MAD1L1: variants seen among roughly 807,000 people sequenced by gnomAD.
MAD1L1 encodes the protein mitotic arrest deficient 1 like 1.
In MAD1L1, 95 loss-of-function variants were observed where a neutral mutation model predicts 96.9. That is an observed-to-expected ratio of 0.98 (90% CI 0.83 to 1.16). MAD1L1 has a LOEUF of 1.16. MAD1L1 is among the 50% of genes most tolerant of loss of function. MAD1L1 has a pLI of 0.00. For missense variants in MAD1L1, 1,007 were observed against 954.4 expected (o/e 1.06, Z -0.73); for synonymous variants, 473 against 396.6 (o/e 1.19, Z -2.29).
intron 10 of MAD1L1, among the ~76,000 whole-genome samples, chr7:2,211,429 T>C (rs1294448257): frequency 1.3e-5 from 2 of 152,208 alleles, no homozygotes; most frequent in Admixed American, 1.3e-4. Flanking sequence ...CTGTGCCAGG[T>C]CTCGTGCCCG....
At chr7:2,227,429 G>C (rs1793960122) in intron 3 of MAD1L1, among the ~76,000 whole-genome samples, 1 of 152,224 alleles carries the variant, frequency 6.6e-6, no homozygotes, top group African/African-American at 2.4e-5. Context: ...ATCTGGCCCT[G>C]TCTGGAGACA....
intron 10 of MAD1L1, among the ~76,000 whole-genome samples, chr7:2,161,873 C>T (rs563783670): frequency 1.6e-3 from 246 of 151,562 alleles, no homozygotes; most frequent in Non-Finnish European, 3.0e-3. Context: ...GCCCAGCAGC[C>T]GCCCTGTCCG....
rs905119516 is a variant in MAD1L1 at position 1,977,233 on chromosome 7, C to T, written c.1505+3220G>A. Among the ~76,000 whole-genome samples, 8 of 152,350 alleles carry T rather than the reference C, an allele frequency of 5.3e-5. No individual in the cohort carries two copies. In the East Asian group the frequency reaches 5.8e-4, roughly 11 times the overall value. ...GGGGTGGGTGTGGGCTCAGGCATGG[C>T]GGGCTGCAGGTCCCAAGCGCTGCCC... On this transcript the variant is annotated intron_variant, in intron 15 of 18. Transcript: ENST00000265854.
intron 11 of MAD1L1, among the ~76,000 whole-genome samples, chr7:2,100,626 G>A (rs1035533397): frequency 1.3e-5 from 2 of 152,272 alleles, no homozygotes; most frequent in Admixed American, 6.5e-5. Context: ...CAAACCGGAA[G>A]GCGTCCTTGG....
rs553643403 is a variant in MAD1L1 at position 1,975,967 on chromosome 7, T to C, written c.1505+4486A>G. On this transcript the variant is annotated intron_variant, in intron 15 of 18. Transcript: ENST00000265854. ...ATTTAGGATTTGCTAGAGCTGCTAT[T>C]TGACAGCAGAGAGGACGGGCTCAGA... Among the ~76,000 whole-genome samples, 4 of 152,368 alleles carry C rather than the reference T, an allele frequency of 2.6e-5. No individual in the cohort carries two copies. The South Asian group carries it at 8.3e-4, about 32-fold the overall frequency.
Position 1,816,157 on chromosome 7 carries a change from G to A in MAD1L1, c.2070C>T (p.Ile690=), listed in dbSNP as rs753443371. 20 of 1,613,268 alleles carry A rather than the reference G, an allele frequency of 1.2e-5. No homozygotes were observed. In the East Asian group the frequency reaches 1.6e-4, roughly 13 times the overall value. The change falls in exon 19 of 19, where the codon ATC becomes ATT. Residue 690 remains isoleucine, a synonymous_variant. Coordinates refer to ENST00000265854, the MANE Select transcript of MAD1L1 (RefSeq NM_001013836.2). ...TEFSHTVGEL[I]EVHLRRQDSI... ...TGTCCTGGCGCCGCAGGTGCACCTC[G>A]ATGAGCTCGCCCACGGTGTGTGAGA...
At position 1,816,080 on chromosome 7, in the gene MAD1L1, G is replaced by A. The variant is rs1288668219; in HGVS notation, c.2147C>T (p.Thr716Ile). 6.2e-7 allele frequency: 1 copy of A among 1,610,656 alleles called. No homozygotes were observed. The highest frequency in any genetic ancestry group is 8.5e-7 in the Non-Finnish European group (1 of 1,178,682). The stretch of plus-strand genomic sequence containing the variant: ...CCCCGAGCCTGCAGGCTACGCCACG[G>A]TCTGGCGGCTGAAGAGCTCGAGGGT... ...SLTLELFSRQ[T>I]VA Residue 716 changes from threonine to isoleucine, a missense_variant, in exon 19 of 19, where the codon ACC becomes ATC. By Grantham distance (89) the Thr-to-Ile change is moderately conservative. Transcript: ENST00000265854.
At chr7:2,135,682 G>A (rs1037940273) in intron 11 of MAD1L1, among the ~76,000 whole-genome samples, 2 of 152,152 alleles carry the variant, frequency 1.3e-5, no homozygotes, top group African/African-American at 2.4e-5. Flanking sequence ...AGCGACCCTC[G>A]GGACAATGCC....
intron 10 of MAD1L1, among the ~76,000 whole-genome samples, chr7:2,204,466 T>C (rs868788432): frequency 6.6e-6 from 1 of 152,220 alleles, no homozygotes. Flanking sequence ...ACCCCAATCA[T>C]ATCCCAGCAC....
At chr7:2,065,439 G>A (rs1784838809) in intron 12 of MAD1L1, among the ~76,000 whole-genome samples, 1 of 152,286 alleles carries the variant, frequency 6.6e-6, no homozygotes, top group South Asian at 2.1e-4. Flanking sequence ...GTTTGTGGAC[G>A]GTTTTTTGAT....
At chr7:2,163,266 G>A (rs1352163246) in intron 10 of MAD1L1, among the ~76,000 whole-genome samples, 1 of 152,220 alleles carries the variant, frequency 6.6e-6, no homozygotes, top group African/African-American at 2.4e-5. Context: ...GGCTTGCTCT[G>A]GGAGTGTGGG....
In MAD1L1 at chr7:2,161,404, G is replaced by C. The variant is rs1222175359; in HGVS notation, c.987-12166C>G. 3.3e-5 allele frequency among the ~76,000 whole-genome samples: 5 copies of C among 152,078 alleles called. No homozygotes were observed. In the East Asian group the frequency reaches 9.7e-4, roughly 30 times the overall value. The stretch of plus-strand genomic sequence containing the variant: ...TTGCAGACGGAGTCTCACTCACTCA[G>C]TGCTCAGTGTTGCCCAGCCTGGAGT... On this transcript the variant is annotated intron_variant, in intron 10 of 18. Coordinates refer to ENST00000265854, the MANE Select transcript of MAD1L1 (RefSeq NM_001013836.2).
intron 11 of MAD1L1, among the ~76,000 whole-genome samples, chr7:2,139,900 T>C (rs1321145849): frequency 6.6e-6 from 1 of 151,830 alleles, no homozygotes; most frequent in Non-Finnish European, 1.5e-5. Flanking sequence ...ATCAGAAAAA[T>C]CCATGCTCTA....
rs559560710 is a variant in MAD1L1 at position 1,942,314 on chromosome 7, T to C, written c.1597-5417A>G. ...CCTGAGCCCCTGGGGGCCCAGGACC[T>C]CTGCTCCAGGTGAGACAGGACCGTG... On this transcript the variant is annotated intron_variant, in intron 16 of 18. Coordinates refer to ENST00000265854, the MANE Select transcript of MAD1L1 (RefSeq NM_001013836.2). Among the ~76,000 whole-genome samples the C allele has an allele frequency of 2.0e-5, 3 of 152,306 alleles. No individual in the cohort carries two copies. In the East Asian group the frequency reaches 5.8e-4, roughly 29 times the overall value.
intron 17 of MAD1L1, among the ~76,000 whole-genome samples, chr7:1,926,524 AGG>A (rs59908053): frequency 0.98 from 149,468 of 152,136 alleles, 73,469 homozygotes; most frequent in Middle Eastern, 1. Context: ...GCCATAACCA[AGG>A]GGGGGGTTTA....
Position 1,843,024 on chromosome 7 carries a change from T to C in MAD1L1, c.1999-26796A>G, listed in dbSNP as rs530116406. On this transcript the variant is annotated intron_variant, in intron 18 of 18. Transcript: ENST00000265854. The stretch of plus-strand genomic sequence containing the variant: ...CTGAAATGGCATCCTGGCTTCCCAG[T>C]AGCACATTCCTTGAGTGTGTCAGTC... Among the ~76,000 whole-genome samples the C allele has an allele frequency of 1.1e-4, 17 of 152,312 alleles. No individual in the cohort carries two copies. In the South Asian group the frequency reaches 2.7e-3, roughly 24 times the overall value.
At chr7:1,927,342 A>G (rs1478542449) in intron 17 of MAD1L1, among the ~76,000 whole-genome samples, 2 of 152,186 alleles carry the variant, frequency 1.3e-5, no homozygotes, top group African/African-American at 4.8e-5. Context: ...AATTCCTCTA[A>G]AAATCTGAGC....
chr7:2,085,132 C>T (rs1326996682), intron 11 of MAD1L1, among the ~76,000 whole-genome samples: 1 of 152,240 alleles, frequency 6.6e-6, no homozygotes, highest in African/African-American at 2.4e-5. Context: ...CTGTTCGTTA[C>T]TGCAGCTCAC....
At chr7:1,999,800 A>G (rs1447241768) in intron 14 of MAD1L1, among the ~76,000 whole-genome samples, 3 of 152,092 alleles carry the variant, frequency 2.0e-5, no homozygotes, top group Admixed American at 6.5e-5. Context: ...CCTCTCATCA[A>G]TGAAACGCCG....
Sources: allele counts gnomAD v4.1 joint callset (sites outside exome capture counted in the v4.1 genomes callset), GRCh38; gene constraint gnomAD v4.1.1; transcripts MANE v1.5; gene names NCBI Gene and HGNC (gene_info 2026-07-23, HGNC 2026-07-21).